Variants in EDA observed in about 807,000 individuals in gnomAD.
EDA encodes the protein ectodysplasin-A.
EDA carries 2 observed loss-of-function variants against 23.6 expected under a neutral mutation model. The ratio of observed to expected loss-of-function variants is 0.08; its 90% CI spans 0.03 to 0.27. The LOEUF (loss-of-function observed/expected upper bound fraction) is 0.27, where lower values mean the gene tolerates loss of function less well. Ranked by LOEUF, EDA falls within the 10% of genes least tolerant of loss-of-function variation. The pLI is 1.00. For synonymous variants in EDA, 131 were observed against 132.0 expected, an observed-to-expected ratio of 0.99 and a Z score of 0.05; for missense variants, 229 against 324.2, an observed-to-expected ratio of 0.71 and a Z score of 2.26.
In EDA at chrX:69,691,912, A is replaced by G. The variant is rs149533431; in HGVS notation, c.396+75208A>G. Among the ~76,000 whole-genome samples the G allele has an allele frequency of 7.9e-3, 882 of 111,960 alleles. 6 individuals carry two copies. Among genetic ancestry groups the G allele is most frequent in the African/African-American group, 0.027 (827 of 30,888 alleles). On this transcript the variant is annotated intron_variant, in intron 1 of 7. Transcript: ENST00000374552. ...ATTTTATTAAAAGTTTCTACGTCCT[A>G]TTAGTAGGATTTATATTCTCTCTTT...
intron 1 of EDA, among the ~76,000 whole-genome samples, chrX:69,789,517 G>A (rs920347016): frequency 5.4e-5 from 6 of 111,948 alleles, no homozygotes; most frequent in African/African-American, 1.6e-4. Context: ...TATTTCATCC[G>A]TATCCACGGT....
intron 1 of EDA, among the ~76,000 whole-genome samples, chrX:69,788,884 C>T (rs768405149): frequency 7.1e-5 from 8 of 112,958 alleles, no homozygotes; most frequent in South Asian, 3.6e-4. Flanking sequence ...GGCGCCCCTC[C>T]CCCAGCCTCG....
chrX:69,975,878 A>G (rs2019310998), intron 2 of EDA, among the ~76,000 whole-genome samples: 1 of 111,843 alleles, frequency 8.9e-6, no homozygotes, highest in African/African-American at 3.2e-5. Flanking sequence ...CTTTTTTAAT[A>G]TGGTTAATAG....
intron 1 of EDA, among the ~76,000 whole-genome samples, chrX:69,875,166 C>G (rs2017624117): frequency 9.0e-6 from 1 of 111,628 alleles, no homozygotes; most frequent in African/African-American, 3.3e-5. Context: ...AGAGCCCACA[C>G]AGCCAAAGCA....
chrX:69,738,023 G>A (rs1259242856), intron 1 of EDA, among the ~76,000 whole-genome samples: 1 of 111,425 alleles, frequency 9.0e-6, no homozygotes, highest in Non-Finnish European at 1.9e-5. Flanking sequence ...AAGGAATTAG[G>A]TTATGGTATG....
chrX:69,780,520 T>A (rs2014910716), intron 1 of EDA, among the ~76,000 whole-genome samples: 1 of 111,454 alleles, frequency 9.0e-6, no homozygotes. Context: ...ATTCCCTGTT[T>A]TCTCCTGAGG....
chrX:69,940,447 C>G (rs754003383), intron 1 of EDA, among the ~76,000 whole-genome samples: 1 of 94,800 alleles, frequency 1.1e-5, no homozygotes, highest in South Asian at 5.3e-4. Context: ...CCTTTTTCAT[C>G]TCTAATTTTA....
At chrX:70,023,280 T>C (rs763331627) in intron 3 of EDA, 39 bp downstream of exon 3, 2 of 1,009,428 alleles carry the variant, frequency 2.0e-6, no homozygotes, top group South Asian at 4.3e-5. Context: ...TCTTGTCATA[T>C]ATTTTCTAAA....
intron 2 of EDA, among the ~76,000 whole-genome samples, chrX:69,987,274 TA>T (rs796678528): frequency 0.13 from 8,467 of 66,988 alleles, 367 homozygotes; most frequent in Middle Eastern, 0.21. Context: ...TAAAGTATAA[TA>T]AAAAAAAAAA....
intron 1 of EDA, among the ~76,000 whole-genome samples, chrX:69,689,257 G>A (rs1934633840): frequency 9.3e-6 from 1 of 107,346 alleles, no homozygotes; most frequent in Non-Finnish European, 1.9e-5. Flanking sequence ...TAGGGTACAT[G>A]TGCACAATGT....
intron 1 of EDA, among the ~76,000 whole-genome samples, chrX:69,731,045 T>C (rs2013004333): frequency 8.9e-6 from 1 of 112,741 alleles, no homozygotes; most frequent in African/African-American, 3.2e-5. Flanking sequence ...TTAGTAGATA[T>C]AGAACTGTTC....
chrX:69,671,221 T>A (rs1359980167), intron 1 of EDA, among the ~76,000 whole-genome samples: 1 of 111,730 alleles, frequency 9.0e-6, no homozygotes, highest in African/African-American at 3.3e-5. Flanking sequence ...GCCTCAGTAG[T>A]CTAGGCTACT....
chrX:69,858,131 C>A (rs1001734965), intron 1 of EDA, among the ~76,000 whole-genome samples: 6 of 111,668 alleles, frequency 5.4e-5, no homozygotes, highest in Non-Finnish European at 1.1e-4. Context: ...AGCTTTTGGG[C>A]CAAGACTATA....
intron 1 of EDA, among the ~76,000 whole-genome samples, chrX:69,927,916 T>TA (rs1267685539): frequency 9.0e-6 from 1 of 110,878 alleles, no homozygotes; most frequent in Non-Finnish European, 1.9e-5. Flanking sequence ...TCACACTAGG[T>TA]AAAAAACAAT....
At chrX:69,775,956 T>C (rs556491537) in intron 1 of EDA, among the ~76,000 whole-genome samples, 6 of 111,871 alleles carry the variant, frequency 5.4e-5, no homozygotes, top group African/African-American at 1.9e-4. Context: ...TAGGAAACTT[T>C]TATTTTGAAA....
At position 69,831,272 on chromosome X, in the gene EDA, G is replaced by A. The variant is rs563128789; in HGVS notation, c.397-125755G>A. On this transcript the variant is annotated intron_variant, in intron 1 of 7. Coordinates refer to ENST00000374552, the MANE Select transcript of EDA (RefSeq NM_001399.5). ...CACTCTGTGTCCAAGTGATCTTCTC[G>A]TTCAGTCCCCACCTATGAGTGAGAA... Among the ~76,000 whole-genome samples, 295 of 111,508 alleles carry A rather than the reference G, an allele frequency of 2.6e-3. 11 individuals are homozygous for A. In the South Asian group the frequency reaches 0.09, roughly 34 times the overall value.
At chrX:69,939,735 C>CT (rs1486336515) in intron 1 of EDA, among the ~76,000 whole-genome samples, 1 of 111,319 alleles carries the variant, frequency 9.0e-6, no homozygotes, top group Non-Finnish European at 1.9e-5. Context: ...TTATATATGG[C>CT]TTTTATTGTA....
At chrX:69,680,980 T>G (rs1934321798) in intron 1 of EDA, among the ~76,000 whole-genome samples, 1 of 108,141 alleles carries the variant, frequency 9.2e-6, no homozygotes, top group Non-Finnish European at 1.9e-5. Flanking sequence ...TTTCCATGTT[T>G]AGCGCTTCCT....
intron 2 of EDA, among the ~76,000 whole-genome samples, chrX:69,967,458 T>C (rs1168549726): frequency 1.8e-5 from 2 of 111,497 alleles, no homozygotes; most frequent in Non-Finnish European, 3.8e-5. Flanking sequence ...GAGTTTCAGG[T>C]ACCAGTGGGA....
Sources: allele counts gnomAD v4.1 joint callset (sites outside exome capture counted in the v4.1 genomes callset), GRCh38; gene constraint gnomAD v4.1.1; transcripts MANE v1.5; gene names NCBI Gene and HGNC (gene_info 2026-07-23, HGNC 2026-07-21).